Variants in CLNK observed in about 807,000 individuals in gnomAD.
CLNK encodes the protein cytokine dependent hematopoietic cell linker.
Under a neutral mutation model 68.6 loss-of-function variants are expected in CLNK, and 74 were observed. The ratio of observed to expected loss-of-function variants is 1.08; its 90% CI spans 0.89 to 1.31. The LOEUF (loss-of-function observed/expected upper bound fraction) is 1.31, where lower values mean the gene tolerates loss of function less well. Ranked by LOEUF, CLNK falls within the 50% of genes most tolerant of loss-of-function variation. The probability of loss-of-function intolerance (pLI) is 0.00; values close to 1 mark genes in which losing one functional copy is unlikely to be tolerated. For missense variants in CLNK, 553 were observed against 515.3 expected (o/e 1.07, Z -0.71); for synonymous variants, 198 against 172.2 (o/e 1.15, Z -1.17).
intron 7 of CLNK, among the ~76,000 whole-genome samples, chr4:10,563,993 C>A (rs1175988070): frequency 7.9e-5 from 12 of 151,944 alleles, no homozygotes; most frequent in Non-Finnish European, 1.8e-4. Context: ...AGGGGGTGAT[C>A]ATTTGTATTT....
At chr4:10,722,983 G>A in the CLNK span, among the ~76,000 whole-genome samples, 1 of 152,036 alleles carries the variant, frequency 6.6e-6, no homozygotes, top group African/African-American at 2.4e-5. Flanking sequence ...CCGGGAGGTT[G>A]CAGTTAGCTG....
At chr4:10,549,380 T>G (rs933404150) in intron 8 of CLNK, among the ~76,000 whole-genome samples, 15 of 152,228 alleles carry the variant, frequency 9.9e-5, no homozygotes, top group African/African-American at 3.4e-4. Context: ...TTTGGGGGCC[T>G]TATTTAATAA....
chr4:10,588,939 A>C (rs1360640151), intron 3 of CLNK, among the ~76,000 whole-genome samples: 4 of 152,104 alleles, frequency 2.6e-5, no homozygotes, highest in Non-Finnish European at 5.9e-5. Flanking sequence ...GGTGGAGGAG[A>C]AAATGAGGAG....
intron 4 of CLNK, among the ~76,000 whole-genome samples, chr4:10,577,065 G>C (rs974065716): frequency 2.6e-5 from 4 of 152,204 alleles, no homozygotes; most frequent in African/African-American, 9.6e-5. Flanking sequence ...GTCCCATGGT[G>C]AGAATATGCT....
chr4:10,708,680 A>G, the CLNK span, among the ~76,000 whole-genome samples: 2 of 152,210 alleles, frequency 1.3e-5, no homozygotes, highest in Non-Finnish European at 2.9e-5. Context: ...AGGGCACATC[A>G]TGGTCAGATT....
the CLNK span, among the ~76,000 whole-genome samples, chr4:10,731,019 T>C: frequency 1.3e-5 from 2 of 152,218 alleles, no homozygotes; most frequent in African/African-American, 4.8e-5. Context: ...TGTGTAATAA[T>C]CAAATCAAGG....
chr4:10,537,734 T>TCTTTCTTTCTTTCTTTCTTTCTTC (rs1718854017), intron 11 of CLNK, among the ~76,000 whole-genome samples: 1 of 135,200 alleles, frequency 7.4e-6, no homozygotes, highest in Non-Finnish European at 1.6e-5. Context: ...TTTCTTTCTT[T>TCTTTCTTTCTTTCTTTCTTTCTTC]CTTCCTTTCT....
At chr4:10,677,439 G>C (rs1724917731) in intron 1 of CLNK, among the ~76,000 whole-genome samples, 2 of 152,086 alleles carry the variant, frequency 1.3e-5, no homozygotes, top group Non-Finnish European at 2.9e-5. Context: ...GTCTAAACAA[G>C]ACTGGAAAAG....
Position 10,487,372 on chromosome 4 carries a change from CT to C in CLNK, c.*3094del, listed in dbSNP as rs1050778486. ...GCATTAGAAATAGCTGCCCTCTCTT[CT>C]TTACAGAAGTGTTGTAAGAAACAAA... On this transcript the variant is annotated 3_prime_UTR_variant, in exon 19 of 19. Transcript: ENST00000226951. 8 of 152,206 alleles carry C rather than the reference CT, an allele frequency of 5.3e-5. No individual in the cohort carries two copies. The allele number at this position is 152,206 out of a possible 1,614,324, so 9.4% of individuals were successfully genotyped here.
chr4:10,522,572 C>CAAAAAAAAAAAAAAAAAAAAAAAA (rs58663693), intron 14 of CLNK, among the ~76,000 whole-genome samples: 1 of 116,436 alleles, frequency 8.6e-6, no homozygotes, highest in Non-Finnish European at 1.7e-5. Context: ...GAAACTCTCT[C>CAAAAAAAAAAAAAAAAAAAAAAAA]AAAAAAAAAA....
chr4:10,628,898 A>C (rs1342992296), intron 2 of CLNK, among the ~76,000 whole-genome samples: 2 of 152,170 alleles, frequency 1.3e-5, no homozygotes, highest in African/African-American at 4.8e-5. Context: ...CCCATATTGC[A>C]GGAAGGAAGG....
intron 2 of CLNK, among the ~76,000 whole-genome samples, chr4:10,657,255 T>C (rs1031314892): frequency 1.3e-5 from 2 of 152,206 alleles, no homozygotes; most frequent in Non-Finnish European, 2.9e-5. Flanking sequence ...TTTATAATGA[T>C]ATAAACTAAA....
the CLNK span, among the ~76,000 whole-genome samples, chr4:10,691,637 C>T: frequency 1.3e-5 from 2 of 151,880 alleles, no homozygotes; most frequent in South Asian, 2.1e-4. Context: ...GGTTATTTGC[C>T]GGATACTTTT....
At chr4:10,656,489 T>C (rs1723995135) in intron 2 of CLNK, 1 of 152,022 alleles carries the variant, frequency 6.6e-6, no homozygotes, top group African/African-American at 2.4e-5. Flanking sequence ...AGTCAAAAAA[T>C]ACAGATTAAA....
At chr4:10,498,402 G>A (rs1029611561) in intron 18 of CLNK, among the ~76,000 whole-genome samples, 7 of 152,196 alleles carry the variant, frequency 4.6e-5, no homozygotes, top group Non-Finnish European at 8.8e-5. Context: ...TGAGGCAGGA[G>A]GATGGCGTGA....
the CLNK span, among the ~76,000 whole-genome samples, chr4:10,723,875 C>A: frequency 6.5e-5 from 3 of 45,998 alleles, no homozygotes; most frequent in African/African-American, 1.8e-4. Flanking sequence ...GAGAATAACA[C>A]AGGAGTCAGA....
the CLNK span, among the ~76,000 whole-genome samples, chr4:10,700,004 A>ATGTG: frequency 0.012 from 1,786 of 145,154 alleles, 33 homozygotes; most frequent in African/African-American, 0.038. Flanking sequence ...GTGTGTGCAT[A>ATGTG]TGTGTGTGTG....
chr4:10,720,946 A>G, the CLNK span, among the ~76,000 whole-genome samples: 1 of 152,138 alleles, frequency 6.6e-6, no homozygotes, highest in African/African-American at 2.4e-5. Context: ...GAATGATTAA[A>G]TAAACTGGTA....
At chr4:10,699,278 C>CGTATGTGTGTGTACACA in the CLNK span, among the ~76,000 whole-genome samples, 1 of 101,056 alleles carries the variant, frequency 9.9e-6, no homozygotes, top group Non-Finnish European at 2.0e-5. Context: ...CACACACACA[C>CGTATGTGTGTGTACACA]CACATACGTG....
Sources: gnomAD v4.1 joint callset for allele counts (sites outside exome capture counted in the v4.1 genomes callset) on GRCh38, gnomAD v4.1.1 for gene constraint, MANE v1.5 for transcripts, NCBI Gene and HGNC (gene_info 2026-07-23, HGNC 2026-07-21) for gene names.